Variants in NR6A1 observed in about 807,000 individuals in gnomAD.
The protein encoded by NR6A1 is retinoic acid receptor-related testis-associated receptor.
A neutral mutation model predicts 59.1 loss-of-function variants in NR6A1; 7 were observed. The observed-to-expected ratio is 0.12, with a 90% CI of 0.07 to 0.22. The LOEUF (loss-of-function observed/expected upper bound fraction) is 0.22, where lower values mean the gene tolerates loss of function less well. Among genes scored for constraint, NR6A1 ranks in the 10% least tolerant of loss-of-function variants. The pLI is 1.00. For missense variants in NR6A1, 468 were observed against 611.6 expected (o/e 0.77, Z 2.48); for synonymous variants, 243 against 236.1 (o/e 1.03, Z -0.27).
At chr9:124,635,561 T>C (rs1836584151) in intron 2 of NR6A1, among the ~76,000 whole-genome samples, 1 of 152,232 alleles carries the variant, frequency 6.6e-6, no homozygotes, top group South Asian at 2.1e-4. Context: ...ATCTCTTTTC[T>C]TTATAAATTA....
chr9:124,708,053 C>T (rs777425751), intron 2 of NR6A1, among the ~76,000 whole-genome samples: 4 of 152,140 alleles, frequency 2.6e-5, no homozygotes, highest in Non-Finnish European at 5.9e-5. Context: ...CCAGGATATT[C>T]GGAGAGCTTA....
At chr9:124,699,196 T>C (rs1461895443) in intron 2 of NR6A1, among the ~76,000 whole-genome samples, 2 of 152,174 alleles carry the variant, frequency 1.3e-5, no homozygotes, top group African/African-American at 4.8e-5. Flanking sequence ...TAGTCTCTGA[T>C]GGTGCTGCTC....
At chr9:124,685,021 G>C (rs1838287180) in intron 2 of NR6A1, among the ~76,000 whole-genome samples, 1 of 152,030 alleles carries the variant, frequency 6.6e-6, no homozygotes, top group Non-Finnish European at 1.5e-5. Context: ...TCATGATGAA[G>C]AGACAGAGTG....
At chr9:124,600,392 T>C (rs1835412372) in intron 2 of NR6A1, among the ~76,000 whole-genome samples, 1 of 152,202 alleles carries the variant, frequency 6.6e-6, no homozygotes, top group Admixed American at 6.5e-5. Flanking sequence ...AGAACATCCT[T>C]GGATACAATT....
chr9:124,611,608 G>GAAAAA (rs1835744416), intron 2 of NR6A1, among the ~76,000 whole-genome samples: 1 of 152,060 alleles, frequency 6.6e-6, no homozygotes, highest in South Asian at 2.1e-4. Context: ...AATCAGCTGG[G>GAAAAA]CATGGTGGCA....
intron 7 of NR6A1, among the ~76,000 whole-genome samples, chr9:124,534,002 G>C (rs537336879): frequency 4.0e-5 from 6 of 150,822 alleles, no homozygotes; most frequent in African/African-American, 1.5e-4. Flanking sequence ...ATGACTTCCA[G>C]TATTTTGAAT....
intron 2 of NR6A1, among the ~76,000 whole-genome samples, chr9:124,564,995 T>C (rs188648093): frequency 5.9e-5 from 9 of 152,214 alleles, no homozygotes; most frequent in South Asian, 4.2e-4. Context: ...ATGGGGCAAT[T>C]TGATATCTAT....
chr9:124,757,476 A>C (rs758055461), intron 1 of NR6A1, among the ~76,000 whole-genome samples: 218 of 151,950 alleles, frequency 1.4e-3, no homozygotes, highest in Non-Finnish European at 2.7e-3. Context: ...AAAAAAAAAA[A>C]ACCTTGGATT....
rs567184831 is a variant in NR6A1 at position 124,539,050 on chromosome 9, A to T, written c.597-731T>A. 9.0e-4 allele frequency among the ~76,000 whole-genome samples: 136 copies of T among 151,040 alleles called. 1 individual carries two copies. The highest frequency in any genetic ancestry group is 3.1e-3 in the African/African-American group (127 of 41,256). ...TAGCAAGACTCCATCTCTTTTTTTA[A>T]AAAAAAAAGTATTTAATTAACAACG... On this transcript the variant is annotated intron_variant, in intron 5 of 9. Coordinates refer to ENST00000487099, the MANE Select transcript of NR6A1 (RefSeq NM_033334.4).
chr9:124,529,082 T>A (rs1833023972), intron 7 of NR6A1, among the ~76,000 whole-genome samples: 1 of 152,190 alleles, frequency 6.6e-6, no homozygotes, highest in Non-Finnish European at 1.5e-5. Flanking sequence ...TTTAGCTGAT[T>A]TGAGCTACTA....
At position 124,613,474 on chromosome 9, in the gene NR6A1, G is replaced by A. The variant is rs1051395262; in HGVS notation, c.143-58904C>T. Among the ~76,000 whole-genome samples, 5 of 151,928 alleles carry A rather than the reference G, an allele frequency of 3.3e-5. No individual in the cohort carries two copies. The East Asian group carries it at 5.8e-4, about 18-fold the overall frequency. ...CCAGCCTGGGCAACATGACAAGACC[G>A]TCTCTAAAAAAATAAATAAAAATAA... On this transcript the variant is annotated intron_variant, in intron 2 of 9. Coordinates refer to ENST00000487099, the MANE Select transcript of NR6A1 (RefSeq NM_033334.4).
chr9:124,615,769 C>T (rs532762270), intron 2 of NR6A1, among the ~76,000 whole-genome samples: 82 of 152,102 alleles, frequency 5.4e-4, no homozygotes, highest in Non-Finnish European at 1.1e-3. Flanking sequence ...TGAGCAGTAG[C>T]TAGAATGTTT....
intron 2 of NR6A1, among the ~76,000 whole-genome samples, chr9:124,674,716 T>C (rs1837901003): frequency 6.6e-6 from 1 of 152,094 alleles, no homozygotes; most frequent in Non-Finnish European, 1.5e-5. Flanking sequence ...CCAATGGAAA[T>C]ATTCATATAC....
At chr9:124,748,812 C>T (rs1469606823) in intron 1 of NR6A1, among the ~76,000 whole-genome samples, 1 of 149,946 alleles carries the variant, frequency 6.7e-6, no homozygotes, top group Non-Finnish European at 1.5e-5. Context: ...TTGCAGTGAG[C>T]TGAGATCGCG....
intron 7 of NR6A1, among the ~76,000 whole-genome samples, chr9:124,534,953 T>A (rs1439349615): frequency 6.6e-6 from 1 of 151,940 alleles, no homozygotes; most frequent in Non-Finnish European, 1.5e-5. Context: ...TGAAACCCCA[T>A]CTCTACTAAA....
chr9:124,614,622 T>A (rs1588710622), intron 2 of NR6A1, among the ~76,000 whole-genome samples: 1 of 152,152 alleles, frequency 6.6e-6, no homozygotes, highest in African/African-American at 2.4e-5. Flanking sequence ...GAATAGATCC[T>A]AAAAATATAC....
At chr9:124,593,296 A>G (rs1333743199) in intron 2 of NR6A1, among the ~76,000 whole-genome samples, 1 of 152,184 alleles carries the variant, frequency 6.6e-6, no homozygotes, top group African/African-American at 2.4e-5. Context: ...CTGTTCGGGG[A>G]GGGATTTCGC....
chr9:124,614,023 T>C lies in NR6A1; in HGVS notation c.143-59453A>G, dbSNP rs565380717. Among the ~76,000 whole-genome samples, 91 of 151,942 alleles carry C rather than the reference T, an allele frequency of 6.0e-4. 1 individual carries two copies. The South Asian group carries it at 0.018, about 31-fold the overall frequency. On this transcript the variant is annotated intron_variant, in intron 2 of 9. Coordinates refer to ENST00000487099, the MANE Select transcript of NR6A1 (RefSeq NM_033334.4). ...TGACTCCAGAGAAAGAGGAAACAAA[T>C]AAGGGAAGTCCTACAAATACCCACC... is the stretch of plus-strand genomic sequence containing the variant.
chr9:124,660,786 T>G (rs988037276), intron 2 of NR6A1, among the ~76,000 whole-genome samples: 2 of 152,112 alleles, frequency 1.3e-5, no homozygotes, highest in African/African-American at 4.8e-5. Flanking sequence ...CTCGCTTTTC[T>G]CACTACAGGG....
Sources: gnomAD v4.1 joint callset for allele counts (sites outside exome capture counted in the v4.1 genomes callset) on GRCh38, gnomAD v4.1.1 for gene constraint, MANE v1.5 for transcripts, NCBI Gene and HGNC (gene_info 2026-07-23, HGNC 2026-07-21) for gene names.